Variants in CAV3 observed in about 807,000 individuals in gnomAD.
CAV3 encodes caveolin-3.
In CAV3, 10 loss-of-function variants were observed where a neutral mutation model predicts 13.4. The observed-to-expected ratio is 0.75, with a 90% confidence interval of 0.46 to 1.27. The LOEUF is 1.27. Ranked by LOEUF, CAV3 falls within the 50% of genes most tolerant of loss-of-function variation. The probability of loss-of-function intolerance (pLI) is 0.00; values close to 1 mark genes in which losing one functional copy is unlikely to be tolerated. For missense variants in CAV3, 162 were observed against 194.0 expected, an observed-to-expected ratio of 0.83 and a Z score of 0.98; for synonymous variants, 90 against 79.0, an observed-to-expected ratio of 1.14 and a Z score of -0.74.
intron 1 of CAV3, among the ~76,000 whole-genome samples, chr3:8,740,862 A>G (rs1707933924): frequency 6.6e-6 from 1 of 152,214 alleles, no homozygotes; most frequent in Non-Finnish European, 1.5e-5. Flanking sequence ...TTCTGGCCTC[A>G]GGCCCTGCTG....
rs144163899 is a variant in CAV3 at position 8,737,275 on chromosome 3, C to A, written c.114+3285C>A. On this transcript the variant is annotated intron_variant, in intron 1 of 1. Coordinates refer to ENST00000343849, the MANE Select transcript of CAV3 (RefSeq NM_033337.3). Reference sequence around the variant, plus strand: ...ACACGGAAAGAATGCTGGAATAGGACCTGGCTACAGACTCAAGTTCTGGTC... The same window carrying A: ...ACACGGAAAGAATGCTGGAATAGGAACTGGCTACAGACTCAAGTTCTGGTC... Among the ~76,000 whole-genome samples, 72 of 152,236 alleles carry A rather than the reference C, an allele frequency of 4.7e-4. 1 individual carries two copies. The highest frequency in any genetic ancestry group is 1.7e-3 in the African/African-American group (70 of 41,534).
At chr3:8,734,526 A>G (rs1575464448) in intron 1 of CAV3, among the ~76,000 whole-genome samples, 1 of 151,218 alleles carries the variant, frequency 6.6e-6, no homozygotes, top group African/African-American at 2.4e-5. Flanking sequence ...CTACCCCCTC[A>G]CCCCAGGTCT....
intron 1 of CAV3, among the ~76,000 whole-genome samples, chr3:8,740,939 C>T (rs757799610): frequency 5.3e-5 from 8 of 152,224 alleles, no homozygotes; most frequent in Non-Finnish European, 1.0e-4. Context: ...CAGTCCCTTA[C>T]GTGCCATGTG....
intron 1 of CAV3, chr3:8,742,736 GTGGA>G (rs1262998719): frequency 1.8e-4 from 54 of 299,992 alleles, no homozygotes; most frequent in South Asian, 2.4e-4. Flanking sequence ...GTGTGGGTGG[GTGGA>G]TGGATGGATG....
At chr3:8,744,640 G>C (rs2124987183) in intron 1 of CAV3, among the ~76,000 whole-genome samples, 1 of 152,178 alleles carries the variant, frequency 6.6e-6, no homozygotes, top group East Asian at 1.9e-4. Flanking sequence ...AGCTAGGAAG[G>C]TGCTTCATGC....
chr3:8,737,065 G>A (rs542575174), intron 1 of CAV3, among the ~76,000 whole-genome samples: 98 of 152,224 alleles, frequency 6.4e-4, no homozygotes, highest in Middle Eastern at 3.4e-3. Flanking sequence ...TCAACTGCCC[G>A]GGTTTTGCCA....
At chr3:8,737,216 G>C (rs1707787072) in intron 1 of CAV3, among the ~76,000 whole-genome samples, 1 of 152,208 alleles carries the variant, frequency 6.6e-6, no homozygotes, top group South Asian at 2.1e-4. Flanking sequence ...GGCCTCACAG[G>C]TGGTAGCAGG....
At chr3:8,739,104 A>C (rs1427800568) in intron 1 of CAV3, among the ~76,000 whole-genome samples, 1 of 152,206 alleles carries the variant, frequency 6.6e-6, no homozygotes, top group Non-Finnish European at 1.5e-5. Flanking sequence ...CTCTAAGAAG[A>C]GCTGCATCAG....
chr3:8,745,935 T>C lies in CAV3; in HGVS notation c.*68T>C, dbSNP rs1326579406. The C allele has an allele frequency of 1.5e-6, 2 of 1,304,420 alleles. No homozygotes were observed. The highest frequency in any genetic ancestry group is 1.8e-5 in the Admixed American group (1 of 56,776). The allele number at this position is 1,304,420 out of a possible 1,614,324, so 80.8% of individuals were successfully genotyped here. A position where few individuals can be genotyped will look rare whatever the true frequency, so the allele number is the denominator to read the frequency against. On this transcript the variant is annotated 3_prime_UTR_variant, in exon 2 of 2. Coordinates refer to ENST00000343849, the MANE Select transcript of CAV3 (RefSeq NM_033337.3). This position sits in a 1 kb window ranked among gnomAD's most constrained non-coding sequence, Gnocchi z 4.8. ...GCCAGACTGGTCCCCGGGGGACTTC[T>C]TCACAGGGGCTGCTGGCGAGCTCTT... is the stretch of plus-strand genomic sequence containing the variant.
At chr3:8,744,310 G>A (rs1011336018) in intron 1 of CAV3, among the ~76,000 whole-genome samples, 4 of 135,612 alleles carry the variant, frequency 2.9e-5, no homozygotes, top group Non-Finnish European at 6.1e-5. Context: ...ATGGAGTCTC[G>A]CTCTGTCACC....
At position 8,745,597 on chromosome 3, in the gene CAV3, C is replaced by T; in HGVS notation, c.186C>T (p.Tyr62=). ...TTGACGGCGTGTGGAAGGTGAGCTA[C>T]ACCACCTTCACTGTCTCCAAGTACT... ...YSFDGVWKVS[Y]TTFTVSKYWC... Residue 62 remains tyrosine, a synonymous_variant, in exon 2 of 2, where the codon TAC becomes TAT. Transcript: ENST00000343849. The surrounding 1 kb of genome is among the most constrained non-coding windows in gnomAD (Gnocchi z 4.8). 1.2e-6 allele frequency: 2 copies of T among 1,614,024 alleles called. No homozygotes were observed. Among genetic ancestry groups the T allele is most frequent in the East Asian group, 2.2e-5 (1 of 44,870 alleles).
intron 1 of CAV3, among the ~76,000 whole-genome samples, chr3:8,739,459 CA>C (rs35943957): frequency 0.32 from 45,642 of 143,904 alleles, 6,974 homozygotes; most frequent in African/African-American, 0.41. Context: ...ACTAAAAATA[CA>C]AAAAAAAAAA....
chr3:8,742,710 C>A, intron 1 of CAV3: 1 of 322,646 alleles, frequency 3.1e-6, no homozygotes, highest in Non-Finnish European at 6.2e-6. Context: ...GGTAATCAAT[C>A]AGTATTTATT....
Position 8,745,621 on chromosome 3 carries a change from C to A in CAV3, c.210C>A (p.Tyr70Ter), listed in dbSNP as rs1311744888. The A allele has an allele frequency of 6.2e-7, 1 of 1,614,130 alleles. No homozygotes were observed. Among genetic ancestry groups the A allele is most frequent in the South Asian group, 1.1e-5 (1 of 91,076 alleles). The change falls in exon 2 of 2, where the codon TAC becomes TAA. Residue 70 changes from tyrosine (Y) to a stop codon, truncating the protein, a stop_gained. Coordinates refer to ENST00000343849, the MANE Select transcript of CAV3 (RefSeq NM_033337.3). LOFTEE classifies it high-confidence loss of function. The surrounding 1 kb of genome is among the most constrained non-coding windows in gnomAD (Gnocchi z 4.8). ...VSYTTFTVSK[Y>*]WCYRLLSTLL... ...ACACCACCTTCACTGTCTCCAAGTA[C>A]TGGTGCTACCGTCTGTTGTCCACGC...
chr3:8,738,776 C>A lies in CAV3; in HGVS notation c.114+4786C>A, dbSNP rs542937793. Among the ~76,000 whole-genome samples the A allele has an allele frequency of 2.6e-5, 4 of 152,320 alleles. No individual in the cohort carries two copies. In the South Asian group the frequency reaches 8.3e-4, roughly 32 times the overall value. On this transcript the variant is annotated intron_variant, in intron 1 of 1. Coordinates refer to ENST00000343849, the MANE Select transcript of CAV3 (RefSeq NM_033337.3). ...ACGTAAGAGGCTGTCATTACCACTG[C>A]CCCTTCCAGTGTTCATGGCAGACAT... is the stretch of plus-strand genomic sequence containing the variant.
intron 1 of CAV3, among the ~76,000 whole-genome samples, chr3:8,735,397 C>T (rs1013348882): frequency 7.2e-5 from 11 of 152,224 alleles, no homozygotes; most frequent in African/African-American, 2.7e-4. Context: ...TCAGACCCCA[C>T]ATTTTCATCC....
chr3:8,745,689 C>T lies in CAV3; in HGVS notation c.278C>T (p.Ala93Val). The T allele has an allele frequency of 6.2e-7, 1 of 1,614,188 alleles. No individual in the cohort carries two copies. Among genetic ancestry groups the T allele is most frequent in the Non-Finnish European group, 8.5e-7 (1 of 1,180,034 alleles). Reference protein sequence around the residue: ...PLALLWGFLFACISFCHIWAV... With the variant: ...PLALLWGFLFVCISFCHIWAV... ...GCCCTGCTCTGGGGCTTCCTGTTCG[C>T]CTGCATCTCCTTCTGCCACATCTGG... is the stretch of plus-strand genomic sequence containing the variant. Residue 93 changes from alanine to valine, a missense_variant, in exon 2 of 2, where the codon GCC (alanine) becomes GTC (valine). Transcript: ENST00000343849. This position sits in a 1 kb window ranked among gnomAD's most constrained non-coding sequence, Gnocchi z 4.8.
At chr3:8,744,450 T>A (rs1485526144) in intron 1 of CAV3, among the ~76,000 whole-genome samples, 1 of 115,318 alleles carries the variant, frequency 8.7e-6, no homozygotes, top group Non-Finnish European at 2.0e-5. Flanking sequence ...GGCTAATTTT[T>A]TTTTTTTTTT....
intron 1 of CAV3, among the ~76,000 whole-genome samples, chr3:8,735,345 T>C (rs1156324192): frequency 6.6e-6 from 1 of 152,244 alleles, no homozygotes; most frequent in African/African-American, 2.4e-5. Context: ...GTCTTCAAGT[T>C]TGAAATCCAG....
Sources: gnomAD v4.1 joint callset for allele counts (sites outside exome capture counted in the v4.1 genomes callset) on GRCh38, gnomAD v4.1.1 for gene constraint, Gnocchi (gnomAD v3.1) non-coding constraint, MANE v1.5 for transcripts, NCBI Gene and HGNC (gene_info 2026-07-23, HGNC 2026-07-21) for gene names.